Variants in IMMP2L observed in about 807,000 individuals in gnomAD.
IMMP2L encodes the protein inner mitochondrial membrane peptidase subunit 2.
A neutral mutation model predicts 19.3 loss-of-function variants in IMMP2L; 18 were observed. That is an observed-to-expected ratio of 0.93 (90% CI 0.64 to 1.38). The LOEUF (loss-of-function observed/expected upper bound fraction) is 1.38. Among genes scored for constraint, IMMP2L ranks in the 40% most tolerant of loss-of-function variants. IMMP2L has a pLI of 0.00. For missense variants in IMMP2L, 233 were observed against 218.2 expected (o/e 1.07, Z -0.43); for synonymous variants, 76 against 73.0 (o/e 1.04, Z -0.21).
At chr7:111,525,090 TAAAC>T (rs1739697860) in intron 1 of IMMP2L, among the ~76,000 whole-genome samples, 1 of 152,132 alleles carries the variant, frequency 6.6e-6, no homozygotes, top group African/African-American at 2.4e-5. Flanking sequence ...GAAAATCACA[TAAAC>T]ATACATAAGA....
chr7:111,038,283 A>C (rs1791547364), intron 3 of IMMP2L, among the ~76,000 whole-genome samples: 1 of 152,168 alleles, frequency 6.6e-6, no homozygotes, highest in South Asian at 2.1e-4. Context: ...GTAAAAATGA[A>C]AGGAAAAGCA....
rs11981241 is a variant in IMMP2L at position 111,283,694 on chromosome 7, G to A, written c.239+203544C>T. ...GTTGTAAAAAGAGACATGATTGGCC[G>A]GGCGCGGTGGCTCACGCCTGTAATC... On this transcript the variant is annotated intron_variant, in intron 3 of 5. Transcript: ENST00000405709. Among the ~76,000 whole-genome samples, 869 of 152,132 alleles carry A rather than the reference G, an allele frequency of 5.7e-3. 14 individuals are homozygous for A. Among genetic ancestry groups the A allele is most frequent in the African/African-American group, 0.019 (791 of 41,522 alleles).
chr7:111,206,594 T>C (rs1450590368), intron 3 of IMMP2L, among the ~76,000 whole-genome samples: 1 of 152,134 alleles, frequency 6.6e-6, no homozygotes, highest in East Asian at 1.9e-4. Context: ...TGTATCAAAA[T>C]AATAACATAA....
At chr7:111,361,137 A>T (rs1170593225) in intron 3 of IMMP2L, among the ~76,000 whole-genome samples, 1 of 152,122 alleles carries the variant, frequency 6.6e-6, no homozygotes. Context: ...ACAATAAACT[A>T]TATTTAAATA....
intron 5 of IMMP2L, among the ~76,000 whole-genome samples, chr7:110,786,194 A>G (rs1800066086): frequency 6.6e-6 from 1 of 152,004 alleles, no homozygotes; most frequent in Non-Finnish European, 1.5e-5. Flanking sequence ...TAATGTTCCC[A>G]GAATTATTTT....
In IMMP2L at chr7:110,895,092, C is replaced by T. The variant is rs562600226; in HGVS notation, c.306-8397G>A. Reference sequence around the variant, plus strand: ...TAAAGTTCCACGTGGCTCGGGAGGCCTCACAAACATGGAGGAAGGTGAAAG... The same window carrying T: ...TAAAGTTCCACGTGGCTCGGGAGGCTTCACAAACATGGAGGAAGGTGAAAG... On this transcript the variant is annotated intron_variant, in intron 4 of 5. Transcript: ENST00000405709. Among the ~76,000 whole-genome samples, 3 of 152,286 alleles carry T rather than the reference C, an allele frequency of 2.0e-5. No individual in the cohort carries two copies. In the South Asian group the frequency reaches 6.2e-4, roughly 32 times the overall value.
chr7:111,292,220 A>C (rs1821188449), intron 3 of IMMP2L, among the ~76,000 whole-genome samples: 1 of 152,060 alleles, frequency 6.6e-6, no homozygotes, highest in South Asian at 2.1e-4. Flanking sequence ...GGCTAAATAA[A>C]CCCAATCCTT....
At chr7:110,766,208 T>C (rs139323996) in intron 5 of IMMP2L, among the ~76,000 whole-genome samples, 1 of 152,296 alleles carries the variant, frequency 6.6e-6, no homozygotes, top group African/African-American at 2.4e-5. Context: ...AAATACAATC[T>C]AAAGATAGAC....
At chr7:111,400,731 G>C (rs898429824) in intron 3 of IMMP2L, among the ~76,000 whole-genome samples, 8 of 152,162 alleles carry the variant, frequency 5.3e-5, no homozygotes, top group African/African-American at 1.9e-4. Flanking sequence ...TTAAAAAGGA[G>C]CTCTCAATCT....
At chr7:110,794,627 T>C (rs1800736944) in intron 5 of IMMP2L, among the ~76,000 whole-genome samples, 1 of 152,014 alleles carries the variant, frequency 6.6e-6, no homozygotes, top group Non-Finnish European at 1.5e-5. Flanking sequence ...CAAAACAAAA[T>C]CCCCAGCCTC....
chr7:111,418,933 A>T (rs1835209110), intron 3 of IMMP2L, among the ~76,000 whole-genome samples: 1 of 151,760 alleles, frequency 6.6e-6, no homozygotes, highest in South Asian at 2.1e-4. Flanking sequence ...CATACTCTTT[A>T]TATTTCATTA....
In IMMP2L at chr7:110,805,973, C is replaced by CTAGT. The variant is rs142875670; in HGVS notation, c.408+80616_408+80619dup. 2.8e-3 allele frequency among the ~76,000 whole-genome samples: 423 copies of CTAGT among 152,018 alleles called. 4 individuals are homozygous for CTAGT. The highest frequency in any genetic ancestry group is 9.6e-3 in the African/African-American group (399 of 41,508). On this transcript the variant is annotated intron_variant, in intron 5 of 5. Transcript: ENST00000405709. ...TATTTTCAGTGAAGAGTTAACTCCT[C>CTAGT]TAGTTAGACCAACCCTTGCTAAAGT... is the stretch of plus-strand genomic sequence containing the variant.
intron 5 of IMMP2L, among the ~76,000 whole-genome samples, chr7:110,681,871 TG>T (rs895683530): frequency 5.3e-5 from 8 of 151,980 alleles, no homozygotes; most frequent in Admixed American, 2.6e-4. Flanking sequence ...AGGTTCTCAT[TG>T]GGGAAACGAC....
intron 4 of IMMP2L, among the ~76,000 whole-genome samples, chr7:110,915,722 C>A (rs1379855710): frequency 6.6e-6 from 1 of 152,094 alleles, no homozygotes; most frequent in Non-Finnish European, 1.5e-5. Flanking sequence ...ATCAAATCAT[C>A]ACACTGTACA....
chr7:110,956,968 AG>A (rs1818417010), intron 4 of IMMP2L, among the ~76,000 whole-genome samples: 3 of 152,170 alleles, frequency 2.0e-5, no homozygotes, highest in Admixed American at 1.3e-4. Flanking sequence ...CAAATTAATA[AG>A]AAAAAGCAAT....
intron 3 of IMMP2L, among the ~76,000 whole-genome samples, chr7:111,305,830 G>A (rs937195402): frequency 1.3e-5 from 2 of 152,112 alleles, no homozygotes; most frequent in African/African-American, 2.4e-5. Flanking sequence ...ACCTGGATGA[G>A]TTCTCCATTC....
chr7:111,533,811 T>G (rs1847623624), intron 1 of IMMP2L, among the ~76,000 whole-genome samples: 3 of 151,986 alleles, frequency 2.0e-5, no homozygotes, highest in Admixed American at 2.0e-4. Flanking sequence ...TCTGAACATT[T>G]TACAAAATCC....
chr7:110,673,223 C>T (rs987513498), intron 5 of IMMP2L, among the ~76,000 whole-genome samples: 2 of 152,210 alleles, frequency 1.3e-5, no homozygotes, highest in Non-Finnish European at 2.9e-5. Flanking sequence ...TTGTACCCTC[C>T]GAAGCAATGG....
intron 3 of IMMP2L, among the ~76,000 whole-genome samples, chr7:111,119,278 A>T (rs1263363731): frequency 6.6e-6 from 1 of 152,130 alleles, no homozygotes; most frequent in Non-Finnish European, 1.5e-5. Flanking sequence ...TTCTATTTTC[A>T]TTTTATTCGG....
Sources: gnomAD v4.1 joint callset for allele counts (sites outside exome capture counted in the v4.1 genomes callset) on GRCh38, gnomAD v4.1.1 for gene constraint, MANE v1.5 for transcripts, NCBI Gene and HGNC (gene_info 2026-07-23, HGNC 2026-07-21) for gene names.